Variants in ANKRD28 observed in about 807,000 individuals in gnomAD.
ANKRD28 encodes ankyrin repeat domain 28.
ANKRD28 carries 44 observed loss-of-function variants against 126.5 expected under a neutral mutation model. The observed-to-expected ratio is 0.35, with a 90% CI of 0.27 to 0.45. The LOEUF (loss-of-function observed/expected upper bound fraction) is 0.45. Ranked by LOEUF, ANKRD28 falls within the 20% of genes least tolerant of loss-of-function variation. ANKRD28 has a pLI of 1.00. For missense variants in ANKRD28, 1,110 were observed against 1,316.6 expected, an observed-to-expected ratio of 0.84 and a Z score of 2.43; for synonymous variants, 442 against 468.5, an observed-to-expected ratio of 0.94 and a Z score of 0.73.
At chr3:15,850,574 T>A (rs2061631171) in intron 1 of ANKRD28, among the ~76,000 whole-genome samples, 1 of 152,096 alleles carries the variant, frequency 6.6e-6, no homozygotes, top group Non-Finnish European at 1.5e-5. Context: ...CATCTTTACA[T>A]GGCCTTCTCA....
chr3:15,745,641 G>A (rs570297619), intron 4 of ANKRD28, among the ~76,000 whole-genome samples: 9 of 152,262 alleles, frequency 5.9e-5, no homozygotes, highest in Non-Finnish European at 1.0e-4. Context: ...GTCAGGTAAT[G>A]TGATGCCTCC....
At chr3:15,788,435 T>C (rs2059880031) in intron 2 of ANKRD28, among the ~76,000 whole-genome samples, 2 of 152,182 alleles carry the variant, frequency 1.3e-5, no homozygotes, top group African/African-American at 4.8e-5. Flanking sequence ...CCCATTCTGC[T>C]ATACTGATTC....
chr3:15,703,118 C>T (rs947477996), intron 14 of ANKRD28, among the ~76,000 whole-genome samples: 2 of 151,956 alleles, frequency 1.3e-5, no homozygotes, highest in Non-Finnish European at 2.9e-5. Flanking sequence ...AAGTCACATA[C>T]AAAAGGCAAA....
At chr3:15,733,432 T>G (rs1335152732) in intron 6 of ANKRD28, 2 of 152,232 alleles carry the variant, frequency 1.3e-5, no homozygotes, top group African/African-American at 4.8e-5. Context: ...ATTCCCAACT[T>G]CATCATTTAT....
intron 1 of ANKRD28, among the ~76,000 whole-genome samples, chr3:15,852,518 C>T (rs751766134): frequency 1.1e-4 from 17 of 152,082 alleles, no homozygotes; most frequent in South Asian, 8.3e-4. Flanking sequence ...TAAATCTAGA[C>T]GAGTAAACCC....
chr3:15,720,342 C>T (rs1215642782), intron 8 of ANKRD28, among the ~76,000 whole-genome samples: 1 of 152,058 alleles, frequency 6.6e-6, no homozygotes, highest in Non-Finnish European at 1.5e-5. Flanking sequence ...CTAAATTGTA[C>T]CACTAGTATT....
At chr3:15,708,372 G>A (rs2071752226) in intron 13 of ANKRD28, among the ~76,000 whole-genome samples, 1 of 152,066 alleles carries the variant, frequency 6.6e-6, no homozygotes, top group Non-Finnish European at 1.5e-5. Flanking sequence ...GCTCAGAAAT[G>A]TGAAAACTTT....
intron 1 of ANKRD28, among the ~76,000 whole-genome samples, chr3:15,852,486 T>C (rs2061673820): frequency 6.6e-6 from 1 of 152,232 alleles, no homozygotes; most frequent in Non-Finnish European, 1.5e-5. Flanking sequence ...AGAAAATACA[T>C]ATCTTTAAAT....
intron 1 of ANKRD28, among the ~76,000 whole-genome samples, chr3:15,844,399 TGTAG>T (rs946202915): frequency 2.8e-4 from 43 of 151,880 alleles, no homozygotes; most frequent in African/African-American, 1.0e-3. Context: ...TCAGATTCAC[TGTAG>T]GTAAAGAAGT....
chr3:15,765,148 TATC>T (rs1377401923), intron 3 of ANKRD28, among the ~76,000 whole-genome samples: 2 of 152,136 alleles, frequency 1.3e-5, no homozygotes, highest in Non-Finnish European at 2.9e-5. Flanking sequence ...TCCCAATAAA[TATC>T]ATTACAATCA....
chr3:15,794,843 T>C (rs931575199), intron 2 of ANKRD28, among the ~76,000 whole-genome samples: 4 of 152,194 alleles, frequency 2.6e-5, no homozygotes, highest in Admixed American at 6.5e-5. Flanking sequence ...AAGTATTTAA[T>C]GGTGAAGTAT....
intron 4 of ANKRD28, among the ~76,000 whole-genome samples, chr3:15,742,194 G>A (rs1467656322): frequency 9.9e-4 from 150 of 151,774 alleles, no homozygotes; most frequent in African/African-American, 3.6e-3. Flanking sequence ...CTGCCTGGCC[G>A]CCCATCGTCT....
chr3:15,751,557 GCAAGAGGCCT>G (rs1188634695), intron 4 of ANKRD28, among the ~76,000 whole-genome samples, 183 bp downstream of exon 4: 2 of 152,132 alleles, frequency 1.3e-5, no homozygotes, highest in Non-Finnish European at 2.9e-5. Flanking sequence ...ACTTCAGACT[GCAAGAGGCCT>G]TATAAACAAA....
intron 3 of ANKRD28, among the ~76,000 whole-genome samples, chr3:15,752,194 T>C (rs1038865672): frequency 1.3e-5 from 2 of 152,158 alleles, no homozygotes; most frequent in Non-Finnish European, 2.9e-5. Context: ...ATGCAGACTA[T>C]TTTAAAGTCT....
At chr3:15,799,929 A>G (rs1280396604), upstream of ANKRD28, among the ~76,000 whole-genome samples, 1 of 152,114 alleles carries the variant, frequency 6.6e-6, no homozygotes, top group Non-Finnish European at 1.5e-5. Flanking sequence ...TTTATAAACA[A>G]GAATAGTGGG....
intron 2 of ANKRD28, among the ~76,000 whole-genome samples, chr3:15,782,035 A>G (rs4685259): frequency 0.82 from 123,962 of 152,056 alleles, 50,673 homozygotes; most frequent in East Asian, 0.93. Context: ...TTTCCTAATC[A>G]TTCCCCATGA....
intron 4 of ANKRD28, among the ~76,000 whole-genome samples, chr3:15,751,003 C>T (rs181780595): frequency 1.3e-5 from 2 of 150,928 alleles, no homozygotes; most frequent in East Asian, 1.9e-4. Flanking sequence ...AGAAAAGCAC[C>T]GAATACACAT....
intron 1 of ANKRD28, among the ~76,000 whole-genome samples, chr3:15,850,200 A>ATATATATATATATATATAT (rs1208827136): frequency 4.2e-5 from 2 of 47,682 alleles, no homozygotes; most frequent in African/African-American, 7.1e-5. Context: ...TAAAAAAAAA[A>ATATATATATATATATATAT]AAAAATATAT....
chr3:15,814,874 T>C lies in ANKRD28; in HGVS notation c.28-19568A>G, dbSNP rs1249246997. ...AAGAAAACTCTGGTAATTTTATACATATATTATATATAAAAAGTATATATA... is the reference window on the plus strand; with the variant it reads ...AAGAAAACTCTGGTAATTTTATACACATATTATATATAAAAAGTATATATA... On this transcript the variant is annotated intron_variant, in intron 1 of 27. Coordinates refer to the ANKRD28 transcript ENST00000399451. The surrounding 1 kb of genome is among the most constrained non-coding windows in gnomAD (Gnocchi z 4.7). Among the ~76,000 whole-genome samples the C allele has an allele frequency of 6.7e-6, 1 of 148,960 alleles. No homozygotes were observed. Among genetic ancestry groups the C allele is most frequent in the East Asian group, 1.9e-4 (1 of 5,164 alleles).
Sources: gnomAD v4.1 joint callset for allele counts (sites outside exome capture counted in the v4.1 genomes callset) on GRCh38, gnomAD v4.1.1 for gene constraint, Gnocchi (gnomAD v3.1) non-coding constraint, MANE v1.5 for transcripts, NCBI Gene and HGNC (gene_info 2026-07-23, HGNC 2026-07-21) for gene names.